The following RASA2 variants were observed in gnomAD, a reference collection of about 807,000 sequenced individuals.
The protein encoded by RASA2 is ras GTPase-activating protein 2.
In RASA2, 155 loss-of-function variants were observed where a neutral mutation model predicts 118.2. The observed-to-expected ratio is 1.31, with a 90% CI of 1.15 to 1.50. RASA2 has a LOEUF of 1.50. RASA2 is among the 40% of genes most tolerant of loss of function. The pLI, the probability that RASA2 is intolerant of heterozygous loss-of-function variation, is 0.00. For missense variants in RASA2, 1,016 were observed against 1,009.6 expected (o/e 1.01, Z -0.09); for synonymous variants, 353 against 349.1 (o/e 1.01, Z -0.12).
rs971180543 is a variant in RASA2, at chr3:141,587,167, T to C, written c.1933+415T>C. Among the ~76,000 whole-genome samples the C allele has an allele frequency of 3.3e-5, 5 of 152,212 alleles. No individual in the cohort carries two copies. In the East Asian group the frequency reaches 9.6e-4, roughly 29 times the overall value. On this transcript the variant is annotated intron_variant, in intron 19 of 23. Transcript: ENST00000286364. ...TATCAGCCAAAAATTCCCACAGTTATACCATAGATTGTGATCCCTATACAG... is the reference window on the plus strand; with the variant it reads ...TATCAGCCAAAAATTCCCACAGTTACACCATAGATTGTGATCCCTATACAG...
chr3:141,527,379 A>C (rs1366553547), intron 3 of RASA2, among the ~76,000 whole-genome samples: 1 of 152,118 alleles, frequency 6.6e-6, no homozygotes, highest in African/African-American at 2.4e-5. Flanking sequence ...TTTGTGCCAG[A>C]TATTATCTGT....
intron 4 of RASA2, among the ~76,000 whole-genome samples, chr3:141,532,089 G>A (rs1484253073): frequency 6.6e-6 from 1 of 152,060 alleles, no homozygotes; most frequent in Non-Finnish European, 1.5e-5. Flanking sequence ...CCTAAGCACA[G>A]TACTAAGTAC....
intron 7 of RASA2, 67 bp from the exon 8 acceptor site, chr3:141,558,819 C>T: frequency 8.2e-7 from 1 of 1,223,802 alleles, no homozygotes; most frequent in Non-Finnish European, 1.2e-6. Flanking sequence ...TGCAGATGAT[C>T]ATTTTTAAGC....
chr3:141,551,181 G>A (rs1350823226), intron 5 of RASA2, among the ~76,000 whole-genome samples: 2 of 152,148 alleles, frequency 1.3e-5, no homozygotes, highest in African/African-American at 2.4e-5. Flanking sequence ...TTCTATGAAT[G>A]TACTTGAGCT....
intron 3 of RASA2, among the ~76,000 whole-genome samples, chr3:141,519,194 C>G (rs1382841857): frequency 6.6e-6 from 1 of 152,110 alleles, no homozygotes; most frequent in Non-Finnish European, 1.5e-5. Flanking sequence ...ATATGGACGA[C>G]ATAAATGTTG....
chr3:141,590,937 T>TAATC (rs2083277145), intron 19 of RASA2, among the ~76,000 whole-genome samples: 1 of 152,236 alleles, frequency 6.6e-6, no homozygotes, highest in South Asian at 2.1e-4. Context: ...AGTAAGCAAC[T>TAATC]AATCAGTAGA....
In RASA2 at chr3:141,571,548, A is replaced by G; in HGVS notation, c.1163A>G (p.Asp388Gly). The change falls in exon 11 of 24, where the codon GAT becomes GGT. Residue 388 changes from aspartate (D) to glycine (G), a missense_variant. Around this residue, in one of 2 missense-constraint regions of RASA2, gnomAD observed 896 missense variants for 836.4 expected, o/e 1.07. Transcript: ENST00000286364. ...GCTGTGGCTGAATTAGACTTGAAGG[A>G]TACACAGTAAGAGTTATATTTTATT... ...ATAVAELDLK[D>G]TQDANTIFRG... The G allele has an allele frequency of 4.4e-6, 7 of 1,608,216 alleles. No individual in the cohort carries two copies. Among genetic ancestry groups the G allele is most frequent in the Non-Finnish European group, 5.1e-6 (6 of 1,176,120 alleles).
chr3:141,608,487 A>C lies in RASA2; in HGVS notation c.2017-2A>C. Reference sequence around the variant, plus strand: ...AACTTTTTATCTTAATTGCCTATGAAGATGTTCCAAGTAATACATACGGAG... The same window carrying C: ...AACTTTTTATCTTAATTGCCTATGACGATGTTCCAAGTAATACATACGGAG... On this transcript the variant is annotated splice_acceptor_variant, in intron 20 of 23. Coordinates refer to ENST00000286364, the MANE Select transcript of RASA2 (RefSeq NM_006506.5). LOFTEE classifies it high-confidence loss of function. 6.2e-7 allele frequency: 1 copy of C among 1,613,094 alleles called. No homozygotes were observed. Among genetic ancestry groups the C allele is most frequent in the Non-Finnish European group, 8.5e-7 (1 of 1,179,208 alleles).
Position 141,571,442 on chromosome 3 carries a change from A to G in RASA2, c.1057A>G (p.Ile353Val). The change falls in exon 11 of 24, where the codon ATA (isoleucine) becomes GTA (valine). Residue 353 changes from isoleucine to valine, a missense_variant. Physicochemically the swap from Ile to Val is conservative, Grantham distance 29. Coordinates refer to ENST00000286364, the MANE Select transcript of RASA2 (RefSeq NM_006506.5). Reference sequence around the variant, plus strand: ...CTCAGCTGCTTACATTTTGAGTGAAATATGTCGAGATAAAAATGATGCTGT... The same window carrying G: ...CTCAGCTGCTTACATTTTGAGTGAAGTATGTCGAGATAAAAATGATGCTGT... Reference protein sequence around the residue: ...SASAAYILSEICRDKNDAVLP... With the variant: ...SASAAYILSEVCRDKNDAVLP... 1 of 1,613,774 alleles carries G rather than the reference A, an allele frequency of 6.2e-7. No individual in the cohort carries two copies. Among genetic ancestry groups the G allele is most frequent in the Non-Finnish European group, 8.5e-7 (1 of 1,179,852 alleles).
intron 19 of RASA2, among the ~76,000 whole-genome samples, chr3:141,601,171 T>C (rs2083456669): frequency 6.6e-6 from 1 of 152,176 alleles, no homozygotes; most frequent in African/African-American, 2.4e-5. Flanking sequence ...CTCACACCTG[T>C]ACCCTAGCAC....
intron 16 of RASA2, 73 bp downstream of exon 16, chr3:141,580,524 A>G: frequency 8.5e-7 from 1 of 1,170,978 alleles, no homozygotes; most frequent in Non-Finnish European, 1.2e-6. Context: ...CTTATCCTTG[A>G]CTTACCTTCT....
chr3:141,567,648 A>G (rs2082842952), intron 9 of RASA2, among the ~76,000 whole-genome samples: 1 of 152,188 alleles, frequency 6.6e-6, no homozygotes, highest in Non-Finnish European at 1.5e-5. Flanking sequence ...ATGATACCAA[A>G]GGAGAAAATC....
chr3:141,545,044 GCCTTAATA>G (rs2082464092), intron 5 of RASA2, among the ~76,000 whole-genome samples: 1 of 152,188 alleles, frequency 6.6e-6, no homozygotes, highest in African/African-American at 2.4e-5. Flanking sequence ...ATGGGTGCTA[GCCTTAATA>G]CCTAAGTGAC....
chr3:141,574,690 T>C (rs773340897), intron 14 of RASA2, among the ~76,000 whole-genome samples: 17 of 152,368 alleles, frequency 1.1e-4, no homozygotes, highest in Non-Finnish European at 1.9e-4. Flanking sequence ...TAAGCACTTA[T>C]ACCAGATGCT....
intron 20 of RASA2, among the ~76,000 whole-genome samples, 188 bp downstream of exon 20, chr3:141,607,948 C>G (rs2083574173): frequency 6.6e-6 from 1 of 152,148 alleles, no homozygotes; most frequent in Admixed American, 6.5e-5. Context: ...AAATAGCTAG[C>G]TGAAACTCTG....
intron 3 of RASA2, chr3:141,525,441 C>T (rs751638773): frequency 6.6e-6 from 1 of 151,996 alleles, no homozygotes; most frequent in African/African-American, 2.4e-5. Flanking sequence ...CCACTGCACC[C>T]AGATGTGTTT....
intron 6 of RASA2, 55 bp downstream of exon 6, chr3:141,553,995 A>G (rs534061479): frequency 2.6e-6 from 4 of 1,555,342 alleles, no homozygotes; most frequent in Non-Finnish European, 3.5e-6. Flanking sequence ...TGATTTAAAA[A>G]TTTAAAAAGT....
intron 19 of RASA2, among the ~76,000 whole-genome samples, chr3:141,602,550 C>T (rs1195413195): frequency 2.0e-5 from 3 of 152,156 alleles, no homozygotes; most frequent in African/African-American, 4.8e-5. Context: ...TTGGGGACCC[C>T]TCTTTTAGAT....
At chr3:141,488,740 A>G (rs1007008902) in intron 1 of RASA2, among the ~76,000 whole-genome samples, 3 of 152,078 alleles carry the variant, frequency 2.0e-5, no homozygotes, top group Non-Finnish European at 4.4e-5. Context: ...TTTGTTTTCA[A>G]CTTTTGCATA....
Sources: gnomAD v4.1 joint callset for allele counts (sites outside exome capture counted in the v4.1 genomes callset) on GRCh38, gnomAD v4.1.1 for gene constraint, gnomAD v4.1.1 regional missense constraint, MANE v1.5 for transcripts, NCBI Gene and HGNC (gene_info 2026-07-23, HGNC 2026-07-21) for gene names.